The following PDILT variants were observed in gnomAD, a reference collection of about 807,000 sequenced individuals.
PDILT encodes protein disulfide-isomerase-like protein of the testis.
PDILT carries 43 observed loss-of-function variants against 53.7 expected under a neutral mutation model. The ratio of observed to expected loss-of-function variants is 0.80; its 90% CI spans 0.63 to 1.03. The LOEUF (loss-of-function observed/expected upper bound fraction) is 1.03. PDILT is among the 50% of genes least tolerant of loss of function. PDILT has a pLI of 0.00. For missense variants in PDILT, 727 were observed against 712.3 expected (o/e 1.02, Z -0.24); for synonymous variants, 282 against 274.2 (o/e 1.03, Z -0.28).
intron 10 of PDILT, 98 bp downstream of exon 10, chr16:20,362,306 T>C: frequency 7.8e-7 from 1 of 1,283,538 alleles, no homozygotes; most frequent in East Asian, 2.4e-5. Flanking sequence ...AGAATAAAAC[T>C]GGTTTGGTAG....
chr16:20,403,559 A>G (rs1179621140), intron 1 of PDILT, among the ~76,000 whole-genome samples: 6 of 152,068 alleles, frequency 3.9e-5, no homozygotes, highest in Non-Finnish European at 8.8e-5. Flanking sequence ...CAAAGTGCTG[A>G]GATTGCAGGC....
chr16:20,366,603 T>C (rs1246195099), intron 8 of PDILT, among the ~76,000 whole-genome samples: 1 of 152,238 alleles, frequency 6.6e-6, no homozygotes, highest in Non-Finnish European at 1.5e-5. Flanking sequence ...TGTTACATAG[T>C]AGATCCTCAA....
chr16:20,402,909 G>A (rs942994761), intron 1 of PDILT, among the ~76,000 whole-genome samples: 9 of 152,198 alleles, frequency 5.9e-5, no homozygotes, highest in Non-Finnish European at 1.0e-4. Flanking sequence ...TGGTTCTGCC[G>A]GCACCTGCCT....
chr16:20,372,888 T>C lies in PDILT; in HGVS notation c.832A>G (p.Met278Val), dbSNP rs1340723076. The C allele has an allele frequency of 3.1e-6, 5 of 1,613,976 alleles. No homozygotes were observed. Among genetic ancestry groups the C allele is most frequent in the Non-Finnish European group, 4.2e-6 (5 of 1,179,980 alleles). The change falls in exon 7 of 12, where the codon ATG becomes GTG. Residue 278 changes from methionine (M) to valine (V), a missense_variant. Met to Val is a conservative substitution (Grantham distance 21). Transcript: ENST00000302451. ...LISELHIMSH[M>V]LLFVSKSSES... Reference sequence around the variant, plus strand: ...GAGCTTTTGGAGACAAACAGCAGCATGTGACTCATGATGTGCAACTCGGAA... The same window carrying C: ...GAGCTTTTGGAGACAAACAGCAGCACGTGACTCATGATGTGCAACTCGGAA...
rs193158575 is a variant in PDILT at position 20,399,162 on chromosome 16, C to A, written c.139G>T (p.Val47Leu). The change falls in exon 2 of 12, where the codon GTG becomes TTG. Residue 47 changes from valine to leucine, a missense_variant. Physicochemically the swap from Val to Leu is conservative, Grantham distance 32. Transcript: ENST00000302451. The stretch of plus-strand genomic sequence containing the variant: ...TGGGTCAGGCCAGCGGGCGTTAGCA[C>A]TAGGAGACTGCGTTCCTCCAGGATG... The part of the protein sequence containing the change: ...VHILEERSLL[V>L]LTPAGLTQML... The A allele has an allele frequency of 1.4e-5, 22 of 1,614,196 alleles. 1 individual carries two copies. In the African/African-American group the frequency reaches 1.7e-4, roughly 13 times the overall value.
At chr16:20,373,474 G>T (rs1966337226) in intron 5 of PDILT, among the ~76,000 whole-genome samples, 1 of 152,174 alleles carries the variant, frequency 6.6e-6, no homozygotes, top group Admixed American at 6.5e-5. Context: ...ATGATTGACG[G>T]CTCATTCATA....
At chr16:20,370,255 C>A (rs952155715) in intron 7 of PDILT, among the ~76,000 whole-genome samples, 15 of 152,190 alleles carry the variant, frequency 9.9e-5, no homozygotes, top group Admixed American at 7.9e-4. Context: ...AAAATCCCTG[C>A]CCTCAAGGAG....
At chr16:20,375,629 C>T (rs1966373742) in intron 4 of PDILT, among the ~76,000 whole-genome samples, 1 of 152,178 alleles carries the variant, frequency 6.6e-6, no homozygotes, top group East Asian at 1.9e-4. Flanking sequence ...CAAACATCTC[C>T]TACTGCACCT....
chr16:20,365,387 C>T lies in PDILT; in HGVS notation c.1237+33G>A, dbSNP rs562157853. ...ACACTTGAAACATAATTTTGGCACC[C>T]GTTGCCTCAGAACCCCTCTTGGAGA... On this transcript the variant is annotated intron_variant, in intron 9 of 11. Transcript: ENST00000302451. 157 of 1,609,858 alleles carry T rather than the reference C, an allele frequency of 9.8e-5. 1 individual carries two copies. The South Asian group carries it at 1.6e-3, about 16-fold the overall frequency.
At chr16:20,389,681 T>C (rs950857353) in intron 2 of PDILT, among the ~76,000 whole-genome samples, 3 of 152,124 alleles carry the variant, frequency 2.0e-5, no homozygotes, top group African/African-American at 7.2e-5. Context: ...TGTGTAGATG[T>C]GTTAATGGCT....
chr16:20,362,881 G>C (rs1430628442), intron 9 of PDILT, among the ~76,000 whole-genome samples: 1 of 151,932 alleles, frequency 6.6e-6, no homozygotes, highest in Non-Finnish European at 1.5e-5. Flanking sequence ...AGATCAGCCT[G>C]ACCAACATGG....
At chr16:20,361,940 G>A (rs894091865) in intron 10 of PDILT, among the ~76,000 whole-genome samples, 5 of 152,230 alleles carry the variant, frequency 3.3e-5, no homozygotes, top group African/African-American at 1.2e-4. Context: ...GGCATGGAGT[G>A]TGGGTTGTAT....
chr16:20,392,794 G>T (rs1966621260), intron 2 of PDILT, among the ~76,000 whole-genome samples: 1 of 152,200 alleles, frequency 6.6e-6, no homozygotes, highest in African/African-American at 2.4e-5. Context: ...TCAAGAATGT[G>T]AAATTGATTG....
Position 20,376,230 on chromosome 16 carries a change from C to T in PDILT, c.410-29G>A, listed in dbSNP as rs1299538354. The T allele has an allele frequency of 5.0e-6, 8 of 1,611,750 alleles. No individual in the cohort carries two copies. In the South Asian group the frequency reaches 8.8e-5, roughly 18 times the overall value. Reference sequence around the variant, plus strand: ...GAGAAAGACACAGTCAAATAGATACCAGAGAAGTTTCCTCTTGAACCAAAG... The same window carrying T: ...GAGAAAGACACAGTCAAATAGATACTAGAGAAGTTTCCTCTTGAACCAAAG... On this transcript the variant is annotated intron_variant, in intron 3 of 11. Coordinates refer to ENST00000302451, the MANE Select transcript of PDILT (RefSeq NM_174924.2).
intron 1 of PDILT, among the ~76,000 whole-genome samples, chr16:20,401,343 CACTT>C (rs1281980638): frequency 1.3e-5 from 2 of 152,270 alleles, no homozygotes; most frequent in African/African-American, 2.4e-5. Flanking sequence ...TTCTTTGATT[CACTT>C]ACTTGTGAGA....
intron 2 of PDILT, among the ~76,000 whole-genome samples, chr16:20,394,964 C>G (rs1391571914): frequency 6.6e-6 from 1 of 152,104 alleles, no homozygotes; most frequent in Non-Finnish European, 1.5e-5. Flanking sequence ...GTTAGCTTTC[C>G]CAGTAAACAC....
intron 3 of PDILT, among the ~76,000 whole-genome samples, chr16:20,379,177 C>A (rs989924831): frequency 6.6e-6 from 1 of 152,046 alleles, no homozygotes; most frequent in Admixed American, 6.6e-5. Flanking sequence ...CCACACCTGG[C>A]TAATTTTTAT....
In PDILT at chr16:20,364,249, T is replaced by G. The variant is rs117774819; in HGVS notation, c.1237+1171A>C. Among the ~76,000 whole-genome samples, 1,314 of 152,354 alleles carry G rather than the reference T, an allele frequency of 8.6e-3. 6 individuals are homozygous for G. The highest frequency in any genetic ancestry group is 0.012 in the Non-Finnish European group (847 of 68,024). ...GACTTAAGTACAGAACAGCTGCATC[T>G]AGCCTCTCATTGAAAGGCAGCGGAT... On this transcript the variant is annotated intron_variant, in intron 9 of 11. Transcript: ENST00000302451.
chr16:20,367,426 A>C (rs1018399146), intron 8 of PDILT, among the ~76,000 whole-genome samples: 2 of 152,130 alleles, frequency 1.3e-5, no homozygotes, highest in South Asian at 4.1e-4. Flanking sequence ...GGGAGCACAC[A>C]TGGGGTGGCC....
Sources: allele counts gnomAD v4.1 joint callset (sites outside exome capture counted in the v4.1 genomes callset), GRCh38; gene constraint gnomAD v4.1.1; transcripts MANE v1.5; gene names NCBI Gene and HGNC (gene_info 2026-07-23, HGNC 2026-07-21).